The following ZSCAN25 variants were observed in gnomAD, a reference collection of about 807,000 sequenced individuals.
ZSCAN25 encodes the protein zinc finger and SCAN domain containing 25.
Under a neutral mutation model 38.7 loss-of-function variants are expected in ZSCAN25, and 27 were observed. The observed-to-expected ratio is 0.70, with a 90% CI of 0.51 to 0.96. ZSCAN25 has a LOEUF of 0.96. Ranked by LOEUF, ZSCAN25 falls within the 40% of genes least tolerant of loss-of-function variation. The probability of loss-of-function intolerance (pLI) is 0.00; values close to 1 mark genes in which losing one functional copy is unlikely to be tolerated. For missense variants in ZSCAN25, 637 were observed against 705.9 expected (o/e 0.90, Z 1.11); for synonymous variants, 273 against 277.7 (o/e 0.98, Z 0.17).
At chr7:99,618,032 C>G (rs1806618048) in intron 1 of ZSCAN25, 1 of 152,226 alleles carries the variant, frequency 6.6e-6, no homozygotes, top group South Asian at 2.1e-4. Flanking sequence ...GATAAATACA[C>G]AAACTCACAA....
chr7:99,688,719 A>AT, the ZSCAN25 span, among the ~76,000 whole-genome samples: 6 of 152,120 alleles, frequency 3.9e-5, no homozygotes, highest in Admixed American at 6.6e-5. Flanking sequence ...CAGAATATAC[A>AT]TTTTTTTCAG....
Position 99,619,904 on chromosome 7 carries a change from G to T in ZSCAN25, c.298G>T (p.Ala100Ser), listed in dbSNP as rs765707872. Reference sequence around the variant, plus strand: ...CACTATCCTGCCCCGCGAGTTCTACGCCTGGATCCGGGAGCATGGCCCAGA... The same window carrying T: ...CACTATCCTGCCCCGCGAGTTCTACTCCTGGATCCGGGAGCATGGCCCAGA... ...FLTILPREFY[A>S]WIREHGPESG... Residue 100 changes from alanine to serine, a missense_variant, in exon 4 of 8, where the codon GCC becomes TCC. Transcript: ENST00000394152. 3 of 1,614,108 alleles carry T rather than the reference G, an allele frequency of 1.9e-6. No individual in the cohort carries two copies. Among genetic ancestry groups the T allele is most frequent in the Admixed American group, 1.7e-5 (1 of 60,010 alleles).
In ZSCAN25 at chr7:99,631,385, G is replaced by T. The variant is rs1186971906; in HGVS notation, c.*1365G>T. The T allele has an allele frequency of 1.0e-6, 1 of 985,232 alleles. No homozygotes were observed. The highest frequency in any genetic ancestry group is 1.7e-5 in the African/African-American group (1 of 57,222). 61.0% of individuals were successfully genotyped at this position (985,232 alleles called of 1,614,324 possible). A position where few individuals can be genotyped will look rare whatever the true frequency, so the allele number is the denominator to read the frequency against. ...AAATACATTTCTTTAAAAATGAGAA[G>T]ATGCAATATTTGTAAACTGTTGAAG... On this transcript the variant is annotated 3_prime_UTR_variant, in exon 8 of 8. Coordinates refer to ENST00000394152, the MANE Select transcript of ZSCAN25 (RefSeq NM_145115.3).
chr7:99,693,253 T>A, the ZSCAN25 span, among the ~76,000 whole-genome samples: 1 of 151,944 alleles, frequency 6.6e-6, no homozygotes, highest in East Asian at 1.9e-4. Flanking sequence ...TTCTGCCTCA[T>A]CCTTCCTCTG....
the ZSCAN25 span, chr7:99,666,527 G>A: frequency 4.1e-6 from 6 of 1,473,478 alleles, no homozygotes; most frequent in Non-Finnish European, 5.7e-6. Flanking sequence ...CCAACAGTGC[G>A]ACTGTCGACT....
At chr7:99,722,134 C>T in the ZSCAN25 span, among the ~76,000 whole-genome samples, 1 of 152,182 alleles carries the variant, frequency 6.6e-6, no homozygotes, top group Admixed American at 6.5e-5. Context: ...TAATACTCTT[C>T]TCCCAAATAC....
chr7:99,678,053 T>G, the ZSCAN25 span, among the ~76,000 whole-genome samples: 1 of 152,242 alleles, frequency 6.6e-6, no homozygotes, highest in African/African-American at 2.4e-5. Flanking sequence ...AGTCATCTAT[T>G]GCATGTAATT....
chr7:99,671,537 C>T, the ZSCAN25 span: 1 of 346,246 alleles, frequency 2.9e-6, no homozygotes, highest in African/African-American at 2.1e-5. Flanking sequence ...CAGCCATAGT[C>T]CACAGAAAAT....
At chr7:99,709,395 A>G in the ZSCAN25 span, 3 of 1,378,442 alleles carry the variant, frequency 2.2e-6, no homozygotes, top group Non-Finnish European at 2.0e-6. Context: ...GCATTCATAA[A>G]GTATTTTAAT....
the ZSCAN25 span, among the ~76,000 whole-genome samples, chr7:99,733,884 T>G: frequency 1.3e-5 from 2 of 152,198 alleles, no homozygotes; most frequent in Non-Finnish European, 2.9e-5. Flanking sequence ...TAAAATAAAC[T>G]CTTGGGAAAG....
At chr7:99,660,245 T>TTTTTTTTA in the ZSCAN25 span, 1 of 738,736 alleles carries the variant, frequency 1.4e-6, no homozygotes, top group East Asian at 1.2e-4. Context: ...TTTTTTTTTT[T>TTTTTTTTA]ACTTAGCATT....
the ZSCAN25 span, among the ~76,000 whole-genome samples, chr7:99,712,358 C>T: frequency 6.6e-6 from 1 of 152,162 alleles, no homozygotes; most frequent in African/African-American, 2.4e-5. Flanking sequence ...GATGTGAAAC[C>T]AAACTATAAT....
chr7:99,672,546 A>G, the ZSCAN25 span: 1 of 1,532,832 alleles, frequency 6.5e-7, no homozygotes, highest in Non-Finnish European at 9.0e-7. Context: ...CAGTGGATCA[A>G]TCATTATTTA....
At chr7:99,716,383 C>T in the ZSCAN25 span, among the ~76,000 whole-genome samples, 1 of 152,188 alleles carries the variant, frequency 6.6e-6, no homozygotes, top group Non-Finnish European at 1.5e-5. Context: ...TCCTGAGCTC[C>T]TAGAAATATC....
chr7:99,634,862 A>G (rs1291104975), downstream of ZSCAN25, among the ~76,000 whole-genome samples: 1 of 152,134 alleles, frequency 6.6e-6, no homozygotes, highest in Admixed American at 6.5e-5. Flanking sequence ...GAATCACTTG[A>G]ACCCGGGGGG....
the ZSCAN25 span, among the ~76,000 whole-genome samples, chr7:99,639,362 G>A: frequency 4.7e-3 from 711 of 152,346 alleles, 7 homozygotes; most frequent in Admixed American, 7.1e-3. Context: ...TCACTTGGGG[G>A]TAAAGGTAGT....
chr7:99,635,721 A>G (rs923263532), downstream of ZSCAN25, among the ~76,000 whole-genome samples: 5 of 152,124 alleles, frequency 3.3e-5, no homozygotes, highest in African/African-American at 1.2e-4. Flanking sequence ...CTGCCTACCA[A>G]TCTGTCTTCA....
rs1001554820 is a variant in ZSCAN25 at position 99,630,881 on chromosome 7, T to A, written c.*861T>A. The A allele has an allele frequency of 1.0e-6, 1 of 983,332 alleles. No individual in the cohort carries two copies. Among genetic ancestry groups the A allele is most frequent in the Non-Finnish European group, 1.2e-6 (1 of 827,998 alleles). The allele number at this position is 983,332 out of a possible 1,614,324, so 60.9% of individuals were successfully genotyped here. A position where few individuals can be genotyped will look rare whatever the true frequency, so the allele number is the denominator to read the frequency against. On this transcript the variant is annotated 3_prime_UTR_variant, in exon 8 of 8. Transcript: ENST00000394152. ...AACAGTTCTCTAGAAAGAACTGTTA[T>A]AATTAAAATGAGTCTGAAAGATGAA... is the stretch of plus-strand genomic sequence containing the variant.
the ZSCAN25 span, chr7:99,648,258 TG>T: frequency 6.3e-7 from 1 of 1,596,302 alleles, no homozygotes; most frequent in East Asian, 2.2e-5. Context: ...TCTGGTGTTC[TG>T]GGGCACAGCT....
Sources: allele counts gnomAD v4.1 joint callset (sites outside exome capture counted in the v4.1 genomes callset), GRCh38; gene constraint gnomAD v4.1.1; transcripts MANE v1.5; gene names NCBI Gene and HGNC (gene_info 2026-07-23, HGNC 2026-07-21).